The following GPRIN2 variants were observed in gnomAD, a reference collection of about 807,000 sequenced individuals.
GPRIN2 encodes G protein-regulated inducer of neurite outgrowth 2.
GPRIN2 carries 1 observed loss-of-function variant against 0.3 expected under a neutral mutation model. The ratio of observed to expected loss-of-function variants is 3.90; its 90% CI spans 1.39 to 18.51. GPRIN2 has a LOEUF of 18.51. Ranked by LOEUF, GPRIN2 falls within the 30% of genes most tolerant of loss-of-function variation. The pLI is 0.11. For synonymous variants in GPRIN2, 361 were observed against 258.6 expected, an observed-to-expected ratio of 1.40 and a Z score of -3.80; for missense variants, 880 against 604.2, an observed-to-expected ratio of 1.46 and a Z score of -4.79.
rs1293839340 is a variant in GPRIN2 at position 46,543,261 on chromosome 10, AC to A, written c.*6098del. 1.3e-5 allele frequency among the ~76,000 whole-genome samples: 2 copies of A among 152,310 alleles called. No homozygotes were observed. The highest frequency in any genetic ancestry group is 2.9e-5 in the Non-Finnish European group (2 of 68,058). ...AATGGCCAAGACCGCAAGAAGAGAG[AC>A]TACTGTATGGAGCCAGAAGGCGAAG... On this transcript the variant is annotated 3_prime_UTR_variant, in exon 3 of 3. Transcript: ENST00000374314.
upstream of GPRIN2, among the ~76,000 whole-genome samples, chr10:46,557,158 C>T (rs1327846478): frequency 1.3e-5 from 2 of 151,212 alleles, no homozygotes; most frequent in African/African-American, 2.4e-5. Context: ...AGATCCCGCC[C>T]ACGAGACCCC....
rs1832725888 is a variant in GPRIN2 at position 46,549,424 on chromosome 10, C to G, written c.1313G>C (p.Arg438Pro). 1.9e-6 allele frequency: 3 copies of G among 1,572,262 alleles called. No individual in the cohort carries two copies. Among genetic ancestry groups the G allele is most frequent in the African/African-American group, 2.7e-5 (2 of 73,806 alleles). Residue 438 changes from arginine (R) to proline (P), a missense_variant, in exon 3 of 3, where the codon CGG becomes CCG. Transcript: ENST00000374314. The part of the protein sequence containing the change: ...LSVEGRRGPL[R>P]AVMQSLRRPS... ...GCGCCGCAGGGACTGCATGACAGCC[C>G]GCAGTGGCCCCCTCCGGCCCTCCAC...
rs1833011150 is a variant in GPRIN2, at chr10:46,544,020, G to T, written c.*5340C>A. On this transcript the variant is annotated 3_prime_UTR_variant, in exon 3 of 3. Transcript: ENST00000374314. ...GGTGTTCTTCTGCTTTATTATTCCCGTGTAGCCACAGCAACAGAACTGGCC... is the reference window on the plus strand; with the variant it reads ...GGTGTTCTTCTGCTTTATTATTCCCTTGTAGCCACAGCAACAGAACTGGCC... 3.9e-5 allele frequency among the ~76,000 whole-genome samples: 6 copies of T among 152,148 alleles called. No individual in the cohort carries two copies. Among genetic ancestry groups the T allele is most frequent in the Non-Finnish European group, 7.3e-5 (5 of 68,048 alleles).
chr10:46,555,816 C>T (rs1831883329), intron 1 of GPRIN2, among the ~76,000 whole-genome samples: 5,394 of 147,700 alleles, frequency 0.037, no homozygotes, highest in Non-Finnish European at 0.05. Flanking sequence ...CCTATCTGCA[C>T]GCTCACAAGC....
rs3127688 is a variant in GPRIN2 at position 46,548,113 on chromosome 10, C to T, written c.*1247G>A. ...CACACTAGCCCTCTGGTCCCTCACA[C>T]GGGTGGATTGGGGGGCTGTGTCACG... is the stretch of plus-strand genomic sequence containing the variant. On this transcript the variant is annotated 3_prime_UTR_variant, in exon 3 of 3. Coordinates refer to ENST00000374314, the MANE Select transcript of GPRIN2 (RefSeq NM_001385282.1). Among the ~76,000 whole-genome samples the T allele has an allele frequency of 3.9e-5, 6 of 152,266 alleles. No homozygotes were observed. The highest frequency in any genetic ancestry group is 2.1e-4 in the South Asian group (1 of 4,834).
intron 2 of GPRIN2, among the ~76,000 whole-genome samples, chr10:46,551,951 C>T (rs1432036895): frequency 6.6e-6 from 1 of 152,310 alleles, no homozygotes; most frequent in Non-Finnish European, 1.5e-5. Context: ...TGTCCAACAC[C>T]CAGCACTGAC....
Position 46,549,958 on chromosome 10 carries a change from T to G in GPRIN2, c.779A>C (p.Lys260Thr). ...LPATGILAFP[K>T]LVASVSESGL... The stretch of plus-strand genomic sequence containing the variant: ...AGACTCGCTCACTGACGCCACTAGT[T>G]TGGGAAAGGCCAGGATCCCTGTGGC... The change falls in exon 3 of 3, where the codon AAA becomes ACA. Residue 260 changes from lysine to threonine, a missense_variant. By Grantham distance (78) the Lys-to-Thr change is moderately conservative (BLOSUM62 -1). Transcript: ENST00000374314. 1 of 1,614,268 alleles carries G rather than the reference T, an allele frequency of 6.2e-7. No individual in the cohort carries two copies. Among genetic ancestry groups the G allele is most frequent in the Non-Finnish European group, 8.5e-7 (1 of 1,180,054 alleles).
chr10:46,551,490 T>A, intron 2 of GPRIN2: 1 of 985,528 alleles, frequency 1.0e-6, no homozygotes, highest in Non-Finnish European at 1.2e-6. Context: ...ATCTGGTCAT[T>A]GATTCCACAG....
At position 46,550,482 on chromosome 10, in the gene GPRIN2, A is replaced by T. The variant is rs1832355727; in HGVS notation, c.255T>A (p.Ser85Arg). The T allele has an allele frequency of 9.3e-6, 15 of 1,610,476 alleles. No individual in the cohort carries two copies. In the East Asian group the frequency reaches 3.1e-4, roughly 34 times the overall value. The change falls in exon 3 of 3, where the codon AGT (serine) becomes AGA (arginine). Residue 85 changes from serine (S) to arginine (R), a missense_variant. Transcript: ENST00000374314. ...TGCTGCTCCACCAGTGGCCTCCAGCACTGGGTCGCGCCTTGGGGCCAGAGG... is the reference window on the plus strand; with the variant it reads ...TGCTGCTCCACCAGTGGCCTCCAGCTCTGGGTCGCGCCTTGGGGCCAGAGG... ...ARASGPKARPSAGGHWWSSTV... is the reference protein window; with the variant it reads ...ARASGPKARPRAGGHWWSSTV...
Position 46,546,517 on chromosome 10 carries a change from C to T in GPRIN2, c.*2843G>A, listed in dbSNP as rs927079931. 3.9e-5 allele frequency among the ~76,000 whole-genome samples: 6 copies of T among 152,310 alleles called. No individual in the cohort carries two copies. The highest frequency in any genetic ancestry group is 7.2e-5 in the African/African-American group (3 of 41,486). ...ATTTGTATCTGTTTTGAATTCAAAG[C>T]CAAACAAACACATCAACAGTGAACT... On this transcript the variant is annotated 3_prime_UTR_variant, in exon 3 of 3. Transcript: ENST00000374314.
intron 2 of GPRIN2, among the ~76,000 whole-genome samples, chr10:46,553,102 T>G (rs1832070427): frequency 4.8e-3 from 730 of 152,016 alleles, no homozygotes; most frequent in African/African-American, 0.017. Context: ...TTATCTCCAT[T>G]CTACAGACAG....
At chr10:46,553,857 G>A (rs1330035781) in intron 2 of GPRIN2, among the ~76,000 whole-genome samples, 1 of 152,308 alleles carries the variant, frequency 6.6e-6, no homozygotes, top group Non-Finnish European at 1.5e-5. Flanking sequence ...AGCTCAGAAG[G>A]AAGGAAGGGC....
At chr10:46,551,985 G>A (rs1842667435) in intron 2 of GPRIN2, among the ~76,000 whole-genome samples, 1 of 152,302 alleles carries the variant, frequency 6.6e-6, no homozygotes, top group South Asian at 2.1e-4. Flanking sequence ...GGCACTCAGA[G>A]GATTATCTGC....
In GPRIN2 at chr10:46,543,911, C is replaced by T. The variant is rs1841933605; in HGVS notation, c.*5449G>A. On this transcript the variant is annotated 3_prime_UTR_variant, in exon 3 of 3. Coordinates refer to ENST00000374314, the MANE Select transcript of GPRIN2 (RefSeq NM_001385282.1). ...CAACTCTTGGGACAAGGCAGTCAGA[C>T]CCCACCACCCATCCCCAATCCTATG... 6.6e-6 allele frequency among the ~76,000 whole-genome samples: 1 copy of T among 152,304 alleles called. No homozygotes were observed. Among genetic ancestry groups the T allele is most frequent in the African/African-American group, 2.4e-5 (1 of 41,488 alleles).
chr10:46,552,444 G>C (rs1461938127), intron 2 of GPRIN2, among the ~76,000 whole-genome samples: 1 of 152,304 alleles, frequency 6.6e-6, no homozygotes, highest in Admixed American at 6.5e-5. Context: ...CAACCTCCCC[G>C]ACCAGGTGAG....
In GPRIN2 at chr10:46,543,385, C is replaced by T. The variant is rs1833034623; in HGVS notation, c.*5975G>A. 7.9e-4 allele frequency among the ~76,000 whole-genome samples: 120 copies of T among 152,356 alleles called. No individual in the cohort carries two copies. Among genetic ancestry groups the T allele is most frequent in the Admixed American group, 6.0e-3 (92 of 15,262 alleles). ...TCTGAATAACCCAGAACAAAGAGAA[C>T]ATGAAACCACAAAAGAAGAACAGAT... On this transcript the variant is annotated 3_prime_UTR_variant, in exon 3 of 3. Transcript: ENST00000374314.
In GPRIN2 at chr10:46,545,117, G is replaced by C. The variant is rs1290177203; in HGVS notation, c.*4243C>G. On this transcript the variant is annotated 3_prime_UTR_variant, in exon 3 of 3. Transcript: ENST00000374314. ...GTGAACAAAACTGAGACAGAGCAAT[G>C]CATGGAGAAAAGGGTTGGGCATTTG... 2.0e-5 allele frequency among the ~76,000 whole-genome samples: 3 copies of C among 152,312 alleles called. No individual in the cohort carries two copies. Among genetic ancestry groups the C allele is most frequent in the Non-Finnish European group, 4.4e-5 (3 of 68,058 alleles).
rs1042126746 is a variant in GPRIN2 at position 46,548,812 on chromosome 10, G to C, written c.*548C>G. Among the ~76,000 whole-genome samples the C allele has an allele frequency of 6.6e-6, 1 of 152,308 alleles. No individual in the cohort carries two copies. Among genetic ancestry groups the C allele is most frequent in the African/African-American group, 2.4e-5 (1 of 41,488 alleles). ...CAAGCTGTCCAGCGTGGGGCACATC[G>C]GCTACAGCCTTGCCAAATGAAGGCT... On this transcript the variant is annotated 3_prime_UTR_variant, in exon 3 of 3. Coordinates refer to ENST00000374314, the MANE Select transcript of GPRIN2 (RefSeq NM_001385282.1).
rs1842146513 is a variant in GPRIN2, at chr10:46,546,212, G to A, written c.*3148C>T. On this transcript the variant is annotated 3_prime_UTR_variant, in exon 3 of 3. Transcript: ENST00000374314. ...GCCTGGGGCCAGACAAGGGATGCGT[G>A]TCTTGTGTCCTGGACACAAGACAGG... Among the ~76,000 whole-genome samples, 1 of 152,292 alleles carries A rather than the reference G, an allele frequency of 6.6e-6. No homozygotes were observed. Among genetic ancestry groups the A allele is most frequent in the African/African-American group, 2.4e-5 (1 of 41,478 alleles).
Sources: gnomAD v4.1 joint callset for allele counts (sites outside exome capture counted in the v4.1 genomes callset) on GRCh38, gnomAD v4.1.1 for gene constraint, MANE v1.5 for transcripts, NCBI Gene and HGNC (gene_info 2026-07-23, HGNC 2026-07-21) for gene names.